Variants in GNG2 observed in about 807,000 individuals in gnomAD.
GNG2 encodes the protein G protein subunit gamma 2.
GNG2 carries 5 observed loss-of-function variants against 5.5 expected under a neutral mutation model. The ratio of observed to expected loss-of-function variants is 0.91; its 90% confidence interval spans 0.48 to 1.92. The LOEUF is 1.92. GNG2 is among the 30% of genes most tolerant of loss of function. The pLI, the probability that GNG2 is intolerant of heterozygous loss-of-function variation, is 0.01. For missense variants in GNG2, 55 were observed against 88.4 expected (o/e 0.62, Z 1.52); for synonymous variants, 28 against 32.0 (o/e 0.88, Z 0.42).
chr14:51,827,824 G>T, intron 2 of GNG2: 1 of 675,318 alleles, frequency 1.5e-6, no homozygotes, highest in Non-Finnish European at 2.7e-6. Context: ...TTCAACAAAT[G>T]GTGATGGAAG....
chr14:51,878,308 A>G (rs1424446142), intron 2 of GNG2, among the ~76,000 whole-genome samples: 1 of 152,182 alleles, frequency 6.6e-6, no homozygotes, highest in African/African-American at 2.4e-5. Context: ...TTAAAATGTA[A>G]CTTCATTATG....
intron 2 of GNG2, among the ~76,000 whole-genome samples, chr14:51,888,158 CCATCTCAATGTAATTA>C (rs1233602737): frequency 1.3e-5 from 2 of 152,172 alleles, no homozygotes; most frequent in East Asian, 3.9e-4. Flanking sequence ...CCTTCTATCT[CCATCTCAATGTAATTA>C]CATTGAGATA....
At chr14:51,841,881 A>C (rs12889450) in intron 2 of GNG2, among the ~76,000 whole-genome samples, 74,830 of 151,912 alleles carry the variant, frequency 0.49, 19,088 homozygotes, top group Middle Eastern at 0.57. Context: ...AGACTGCATG[A>C]AAATTATATT....
At chr14:51,839,777 A>T (rs577242881) in intron 2 of GNG2, among the ~76,000 whole-genome samples, 99 of 152,276 alleles carry the variant, frequency 6.5e-4, no homozygotes, top group East Asian at 5.6e-3. Context: ...TTATGCTTTA[A>T]TTTTTTTAAA....
In GNG2 at chr14:51,967,324, A is replaced by C. The variant is rs1378164112; in HGVS notation, c.*637A>C. 1 of 152,226 alleles carries C rather than the reference A, an allele frequency of 6.6e-6. No homozygotes were observed. The allele number at this position is 152,226 out of a possible 1,614,324, so 9.4% of individuals were successfully genotyped here. A position where few individuals can be genotyped will look rare whatever the true frequency, so the allele number is the denominator to read the frequency against. On this transcript the variant is annotated 3_prime_UTR_variant, in exon 4 of 4. Transcript: ENST00000556766. ...ATCCTCATGGTAACAACGACAAAAA[A>C]TGCCGGTTGTCTGTGTTCTCTTTTC...
chr14:51,939,302 CA>C (rs1888184485), intron 2 of GNG2, among the ~76,000 whole-genome samples: 1 of 152,168 alleles, frequency 6.6e-6, no homozygotes, highest in South Asian at 2.1e-4. Flanking sequence ...TTTCATTTTA[CA>C]AAATTTGTGA....
At chr14:51,919,772 A>C (rs1015453684) in intron 2 of GNG2, among the ~76,000 whole-genome samples, 2 of 152,266 alleles carry the variant, frequency 1.3e-5, no homozygotes, top group African/African-American at 4.8e-5. Context: ...ACAGATGTTT[A>C]TCAGGCAAAA....
intron 2 of GNG2, among the ~76,000 whole-genome samples, chr14:51,923,099 A>G (rs1887112111): frequency 6.6e-6 from 1 of 152,206 alleles, no homozygotes; most frequent in Admixed American, 6.5e-5. Flanking sequence ...TAAAAATGAC[A>G]ACTGAGCAGA....
chr14:51,885,078 A>G (rs556752256), intron 2 of GNG2, among the ~76,000 whole-genome samples: 1 of 152,316 alleles, frequency 6.6e-6, no homozygotes, highest in African/African-American at 2.4e-5. Context: ...GCCCAGTCAT[A>G]ATTGGAGTCC....
At chr14:51,903,591 G>A (rs569492326) in intron 2 of GNG2, among the ~76,000 whole-genome samples, 1 of 152,252 alleles carries the variant, frequency 6.6e-6, no homozygotes, top group African/African-American at 2.4e-5. Flanking sequence ...TTTCCCTATG[G>A]CAGTGAACAC....
At chr14:51,954,415 A>G (rs1260004746) in intron 3 of GNG2, among the ~76,000 whole-genome samples, 6 of 152,186 alleles carry the variant, frequency 3.9e-5, no homozygotes, top group African/African-American at 1.4e-4. Context: ...CAAAGACAAA[A>G]TGAAAGAAAC....
chr14:51,877,271 T>C (rs1190549301), intron 1 of GNG2, among the ~76,000 whole-genome samples: 1 of 152,160 alleles, frequency 6.6e-6, no homozygotes, highest in South Asian at 2.1e-4. Flanking sequence ...GGAGGAAAGA[T>C]TGTTCTTATT....
chr14:51,909,532 CA>C (rs1182947556), intron 2 of GNG2, among the ~76,000 whole-genome samples: 1 of 152,090 alleles, frequency 6.6e-6, no homozygotes, highest in Non-Finnish European at 1.5e-5. Flanking sequence ...TTGTACTTGG[CA>C]GAGGAGTTTA....
intron 2 of GNG2, among the ~76,000 whole-genome samples, chr14:51,894,968 CAAAG>C (rs975244453): frequency 1.3e-5 from 2 of 150,506 alleles, no homozygotes; most frequent in Admixed American, 1.3e-4. Context: ...ATCCAAAAAA[CAAAG>C]AAGAACTTTT....
At chr14:51,952,434 T>A (rs1042789184) in intron 3 of GNG2, among the ~76,000 whole-genome samples, 1 of 152,182 alleles carries the variant, frequency 6.6e-6, no homozygotes, top group African/African-American at 2.4e-5. Context: ...GTGGGCACAA[T>A]ACCTGCTGAG....
At chr14:51,918,789 G>A (rs1886815285) in intron 2 of GNG2, among the ~76,000 whole-genome samples, 1 of 152,162 alleles carries the variant, frequency 6.6e-6, no homozygotes, top group African/African-American at 2.4e-5. Flanking sequence ...AGAAATTCTT[G>A]TGTATCATCA....
intron 2 of GNG2, among the ~76,000 whole-genome samples, chr14:51,837,858 G>A (rs1174153330): frequency 6.6e-6 from 1 of 152,174 alleles, no homozygotes; most frequent in Admixed American, 6.5e-5. Flanking sequence ...TAACCTTGGA[G>A]TGATATTTCC....
At chr14:51,949,911 G>A (rs73297017) in intron 2 of GNG2, among the ~76,000 whole-genome samples, 3,888 of 152,280 alleles carry the variant, frequency 0.026, 167 homozygotes, top group African/African-American at 0.088. Flanking sequence ...AGGTATGGCA[G>A]AGACAAAGAA....
chr14:51,882,279 A>G (rs1191250550), intron 2 of GNG2, among the ~76,000 whole-genome samples: 1 of 152,204 alleles, frequency 6.6e-6, no homozygotes, highest in African/African-American at 2.4e-5. Context: ...TGTGAATTTT[A>G]CCTCAATTTA....
Sources: gnomAD v4.1 joint callset for allele counts (sites outside exome capture counted in the v4.1 genomes callset) on GRCh38, gnomAD v4.1.1 for gene constraint, MANE v1.5 for transcripts, NCBI Gene and HGNC (gene_info 2026-07-23, HGNC 2026-07-21) for gene names.